XKR6: variants seen among roughly 807,000 people sequenced by gnomAD.
XKR6 encodes the protein XK-related protein 6.
In XKR6, 22 loss-of-function variants were observed where a neutral mutation model predicts 56.7. The ratio of observed to expected loss-of-function variants is 0.39; its 90% CI spans 0.28 to 0.55. XKR6 has a LOEUF of 0.55. XKR6 is among the 20% of genes least tolerant of loss of function. The probability of loss-of-function intolerance (pLI) is 0.66; values close to 1 mark genes in which losing one functional copy is unlikely to be tolerated. For synonymous variants in XKR6, 524 were observed against 387.8 expected (o/e 1.35, Z -4.13); for missense variants, 852 against 889.0 (o/e 0.96, Z 0.53).
At chr8:11,148,780 T>C (rs765655031) in intron 1 of XKR6, among the ~76,000 whole-genome samples, 13 of 152,146 alleles carry the variant, frequency 8.5e-5, no homozygotes, top group Non-Finnish European at 1.5e-4. Flanking sequence ...AACACAAGTA[T>C]CCATTAGCAG....
rs1230784559 is a variant in XKR6 at position 11,200,848 on chromosome 8, C to T, written c.492G>A (p.Leu164=). The change falls in exon 1 of 3, where the codon CTG becomes CTA. Residue 164 remains leucine (L), a synonymous_variant. Transcript: ENST00000416569. This position sits in a 1 kb window ranked among gnomAD's most constrained non-coding sequence, Gnocchi z 6.4. The part of the protein sequence containing the change: ...YRKGDYVYFG[L]TLFFVLVPSL... ...ACGGCACCAGCACGAAGAAGAGGGT[C>T]AGCCCGAAGTAGACGTAGTCCCCCT... 2 of 1,612,090 alleles carry T rather than the reference C, an allele frequency of 1.2e-6. No homozygotes were observed. The highest frequency in any genetic ancestry group is 1.1e-5 in the South Asian group (1 of 91,000).
chr8:11,045,864 TA>T (rs1352481940), intron 1 of XKR6, among the ~76,000 whole-genome samples: 3 of 151,882 alleles, frequency 2.0e-5, no homozygotes, highest in African/African-American at 7.3e-5. Flanking sequence ...AGTTAAAAAA[TA>T]AAAGAAAAAG....
intron 1 of XKR6, among the ~76,000 whole-genome samples, chr8:11,021,060 T>C (rs1171920557): frequency 6.6e-6 from 1 of 152,090 alleles, no homozygotes; most frequent in Non-Finnish European, 1.5e-5. Context: ...ATGAGGCAAA[T>C]GCTTCTGGCT....
At chr8:11,191,264 A>T (rs1803558108) in intron 1 of XKR6, among the ~76,000 whole-genome samples, 1 of 152,216 alleles carries the variant, frequency 6.6e-6, no homozygotes, top group African/African-American at 2.4e-5. Context: ...TACACCCACC[A>T]ACAACAACTA....
intron 1 of XKR6, among the ~76,000 whole-genome samples, chr8:11,185,535 T>C (rs1470867485): frequency 1.3e-5 from 2 of 152,228 alleles, no homozygotes; most frequent in Non-Finnish European, 2.9e-5. Context: ...ATTTTTTAAA[T>C]ATCTATTTGG....
intron 1 of XKR6, among the ~76,000 whole-genome samples, chr8:11,151,936 C>T (rs1025668136): frequency 6.6e-6 from 1 of 151,936 alleles, no homozygotes; most frequent in Non-Finnish European, 1.5e-5. Flanking sequence ...AAAACAAGTC[C>T]CGTTCAAAAG....
chr8:11,163,805 G>C (rs1004526103), intron 1 of XKR6, among the ~76,000 whole-genome samples: 4 of 152,120 alleles, frequency 2.6e-5, no homozygotes, highest in South Asian at 2.1e-4. Flanking sequence ...GTGGCAAAGA[G>C]AGTAGAGTAG....
chr8:11,060,054 T>A (rs968879521), intron 1 of XKR6, among the ~76,000 whole-genome samples: 1 of 152,148 alleles, frequency 6.6e-6, no homozygotes. Context: ...TCCATTCTTT[T>A]AAAGCATTCT....
intron 2 of XKR6, among the ~76,000 whole-genome samples, chr8:10,900,285 C>T (rs192900438): frequency 1.3e-5 from 2 of 152,236 alleles, no homozygotes; most frequent in Admixed American, 6.5e-5. Context: ...GTTAAACTTC[C>T]CCAGACCACC....
chr8:11,177,268 C>T (rs1415834041), intron 1 of XKR6, among the ~76,000 whole-genome samples: 1 of 152,202 alleles, frequency 6.6e-6, no homozygotes, highest in African/African-American at 2.4e-5. Flanking sequence ...GATTTGCCAA[C>T]ATTATGACCT....
intron 1 of XKR6, among the ~76,000 whole-genome samples, chr8:11,053,359 G>C (rs1398508431): frequency 2.0e-5 from 3 of 152,216 alleles, no homozygotes; most frequent in African/African-American, 4.8e-5. Context: ...TGAGCGGCCT[G>C]ACTCCCCTGC....
chr8:10,924,463 A>T (rs1265400618), intron 2 of XKR6, among the ~76,000 whole-genome samples, 171 bp downstream of exon 2: 1 of 152,214 alleles, frequency 6.6e-6, no homozygotes, highest in African/African-American at 2.4e-5. Flanking sequence ...GCAGCTCTTG[A>T]GTGTGGTGTG....
intron 1 of XKR6, among the ~76,000 whole-genome samples, chr8:10,957,601 A>G (rs1476318698): frequency 6.6e-6 from 1 of 152,214 alleles, no homozygotes; most frequent in Non-Finnish European, 1.5e-5. Context: ...ACAGGAAGGA[A>G]AATGAGAGGA....
chr8:10,908,464 TAAATC>T (rs1183388411), intron 2 of XKR6, among the ~76,000 whole-genome samples: 1 of 151,986 alleles, frequency 6.6e-6, no homozygotes, highest in East Asian at 1.9e-4. Flanking sequence ...GAGCTGTTCT[TAAATC>T]TAATCTGTCA....
intron 1 of XKR6, among the ~76,000 whole-genome samples, chr8:11,135,305 A>G (rs1800332111): frequency 6.6e-6 from 1 of 152,198 alleles, no homozygotes; most frequent in Non-Finnish European, 1.5e-5. Context: ...CTGGGATTAC[A>G]GGCGTGAGCC....
chr8:10,907,769 C>A (rs1480854984), intron 2 of XKR6, among the ~76,000 whole-genome samples: 1 of 152,236 alleles, frequency 6.6e-6, no homozygotes, highest in African/African-American at 2.4e-5. Flanking sequence ...CCTCTGATCA[C>A]CTCTGTGAGC....
chr8:11,039,250 G>A (rs1039497859), intron 1 of XKR6, among the ~76,000 whole-genome samples: 11 of 152,256 alleles, frequency 7.2e-5, no homozygotes, highest in Non-Finnish European at 1.0e-4. Context: ...CACTCATGGT[G>A]TGAAACAGAA....
At chr8:11,161,979 C>T (rs1801837170) in intron 1 of XKR6, among the ~76,000 whole-genome samples, 1 of 152,028 alleles carries the variant, frequency 6.6e-6, no homozygotes, top group Non-Finnish European at 1.5e-5. Context: ...GGAAGGCCCA[C>T]CAGAGGACCT....
intron 1 of XKR6, among the ~76,000 whole-genome samples, chr8:11,043,086 A>G (rs1012086298): frequency 5.3e-5 from 8 of 152,184 alleles, no homozygotes; most frequent in Non-Finnish European, 1.0e-4. Flanking sequence ...TCCACAGAGT[A>G]CTCAGAACAC....
Sources: allele counts gnomAD v4.1 joint callset (sites outside exome capture counted in the v4.1 genomes callset), GRCh38; gene constraint gnomAD v4.1.1; non-coding constraint Gnocchi (gnomAD v3.1); transcripts MANE v1.5; gene names NCBI Gene and HGNC (gene_info 2026-07-23, HGNC 2026-07-21).